FAM162A: variants seen among roughly 807,000 people sequenced by gnomAD.
FAM162A encodes family with sequence similarity 162 member A, also known as protein FAM162A.
A neutral mutation model predicts 21.8 loss-of-function variants in FAM162A; 23 were observed. That is an observed-to-expected ratio of 1.05 (90% CI 0.76 to 1.49). The LOEUF is 1.49. Among genes scored for constraint, FAM162A ranks in the 40% most tolerant of loss-of-function variants. FAM162A has a pLI of 0.00. For missense variants in FAM162A, 165 were observed against 186.4 expected (o/e 0.89, Z 0.67); for synonymous variants, 53 against 61.3 (o/e 0.86, Z 0.64).
rs200627653 is a variant in FAM162A, at chr3:122,404,364, G to A, written c.263+1G>A. The A allele has an allele frequency of 4.4e-4, 680 of 1,531,162 alleles. 3 individuals are homozygous for A. The highest frequency in any genetic ancestry group is 1.7e-4 in the Middle Eastern group (1 of 5,928). 94.8% of individuals were successfully genotyped at this position (1,531,162 alleles called of 1,614,324 possible). On this transcript the variant is annotated splice_donor_variant, in intron 3 of 4. Coordinates refer to ENST00000477892, the MANE Select transcript of FAM162A (RefSeq NM_014367.4). LOFTEE classifies it high-confidence loss of function. The stretch of plus-strand genomic sequence containing the variant: ...AAGATGAAATCCCAGAGACTGTCTC[G>A]TGAGTGCTGAATTTAGTATTACAAG...
Position 122,399,933 on chromosome 3 carries a change from G to A in FAM162A, c.35-2827G>A, listed in dbSNP as rs35322827. 8.2e-3 allele frequency among the ~76,000 whole-genome samples: 1,240 copies of A among 152,124 alleles called. 9 individuals are homozygous for A. Among genetic ancestry groups the A allele is most frequent in the African/African-American group, 0.016 (669 of 41,514 alleles). The stretch of plus-strand genomic sequence containing the variant: ...AGCCTGGCCAACATGGTAAAACCCC[G>A]TCTCTACTAAAAATACAGAAATTAG... On this transcript the variant is annotated intron_variant, in intron 1 of 4. Transcript: ENST00000477892.
chr3:122,393,843 G>T (rs1478327388), intron 1 of FAM162A, among the ~76,000 whole-genome samples: 1 of 152,308 alleles, frequency 6.6e-6, no homozygotes, highest in Non-Finnish European at 1.5e-5. Context: ...AACCTGAGAG[G>T]TCTCTAAGCT....
intron 1 of FAM162A, among the ~76,000 whole-genome samples, chr3:122,391,393 A>G (rs1161047029): frequency 3.3e-5 from 5 of 152,204 alleles, no homozygotes; most frequent in Non-Finnish European, 1.5e-5. Context: ...GGGTTTCACT[A>G]TGTAGTGATA....
chr3:122,384,982 G>A (rs1156319285), intron 1 of FAM162A, among the ~76,000 whole-genome samples: 2 of 151,586 alleles, frequency 1.3e-5, no homozygotes, highest in Non-Finnish European at 1.5e-5. Flanking sequence ...TTTTTTTTTG[G>A]GAGAACCAGC....
At chr3:122,386,288 C>T (rs1457351995) in intron 1 of FAM162A, among the ~76,000 whole-genome samples, 1 of 152,164 alleles carries the variant, frequency 6.6e-6, no homozygotes, top group Admixed American at 6.5e-5. Context: ...GTGGCTCACA[C>T]CTGCTATCCC....
At position 122,409,880 on chromosome 3, in the gene FAM162A, T is replaced by C. The variant is rs764937087; in HGVS notation, c.*49T>C. The C allele has an allele frequency of 8.0e-6, 12 of 1,501,546 alleles. No individual in the cohort carries two copies. In the South Asian group the frequency reaches 1.2e-4, roughly 16 times the overall value. The allele number at this position is 1,501,546 out of a possible 1,614,324, so 93.0% of individuals were successfully genotyped here. ...TTTTGAAAATCCAGGAATTATGTTATAACGTGCCTGTATTAAAAAGGATGT... is the reference window on the plus strand; with the variant it reads ...TTTTGAAAATCCAGGAATTATGTTACAACGTGCCTGTATTAAAAAGGATGT... On this transcript the variant is annotated 3_prime_UTR_variant, in exon 5 of 5. Coordinates refer to ENST00000477892, the MANE Select transcript of FAM162A (RefSeq NM_014367.4).
intron 1 of FAM162A, among the ~76,000 whole-genome samples, chr3:122,396,652 A>G (rs2075628991): frequency 6.6e-6 from 1 of 152,184 alleles, no homozygotes; most frequent in African/African-American, 2.4e-5. Context: ...ACAAATGAAA[A>G]TACATGTTCC....
In FAM162A at chr3:122,407,380, G is replaced by A. The variant is rs1219892413; in HGVS notation, c.363G>A (p.Glu121=). 4 of 1,613,102 alleles carry A rather than the reference G, an allele frequency of 2.5e-6. No individual in the cohort carries two copies. The highest frequency in any genetic ancestry group is 3.3e-5 in the Admixed American group (2 of 59,994). Residue 121 remains glutamate, a synonymous_variant, in exon 4 of 5, where the codon GAG becomes GAA. Coordinates refer to ENST00000477892, the MANE Select transcript of FAM162A (RefSeq NM_014367.4). Reference sequence around the variant, plus strand: ...TAGGATGCATCTTCATGGTTATTGAGGGCAAGAAGGTGAGAAGGGGTTTCT... The same window carrying A: ...TAGGATGCATCTTCATGGTTATTGAAGGCAAGAAGGTGAGAAGGGGTTTCT... ...TVVGCIFMVI[E]GKKAAQRHET...
At chr3:122,384,522 C>T (rs1055603263) in intron 1 of FAM162A, among the ~76,000 whole-genome samples, 3 of 152,070 alleles carry the variant, frequency 2.0e-5, no homozygotes. Context: ...CTCCATCCAC[C>T]CAGCTCCCAC....
intron 1 of FAM162A, among the ~76,000 whole-genome samples, chr3:122,396,944 G>A (rs1472440199): frequency 6.6e-6 from 1 of 152,216 alleles, no homozygotes; most frequent in Non-Finnish European, 1.5e-5. Context: ...GACTTTTAGG[G>A]TTGGGGGAAG....
At chr3:122,403,884 C>A (rs1184236141) in intron 2 of FAM162A, among the ~76,000 whole-genome samples, 1 of 152,202 alleles carries the variant, frequency 6.6e-6, no homozygotes, top group Non-Finnish European at 1.5e-5. Flanking sequence ...CTGTCTCCAT[C>A]CATTGTACAG....
At position 122,411,910 on chromosome 3, in the gene FAM162A, A is replaced by C. The variant is rs1012129998; in HGVS notation, c.*2079A>C. 6.6e-6 allele frequency: 1 copy of C among 152,186 alleles called. No homozygotes were observed. The highest frequency in any genetic ancestry group is 1.5e-5 in the Non-Finnish European group (1 of 68,036). The allele number at this position is 152,186 out of a possible 1,614,324, so 9.4% of individuals were successfully genotyped here. A position where few individuals can be genotyped will look rare whatever the true frequency, so the allele number is the denominator to read the frequency against. Reference sequence around the variant, plus strand: ...CTAAAGCTCACAACTGTTATTATGCATCAGGAATTAACAGTCATTTCTCAT... The same window carrying C: ...CTAAAGCTCACAACTGTTATTATGCCTCAGGAATTAACAGTCATTTCTCAT... On this transcript the variant is annotated 3_prime_UTR_variant, in exon 5 of 5. Transcript: ENST00000477892.
chr3:122,408,416 G>A (rs1325211516), intron 4 of FAM162A, among the ~76,000 whole-genome samples: 1 of 152,168 alleles, frequency 6.6e-6, no homozygotes, highest in African/African-American at 2.4e-5. Context: ...ACTACTTTAA[G>A]ATACTAAAAA....
rs942427088 is a variant in FAM162A at position 122,384,182 on chromosome 3, A to G, written c.-84A>G. ...CCCCGGCGCCGCCTGCGTCCTTCCCACTCCAACGCTGGGTGACATTGAGCT... is the reference window on the plus strand; with the variant it reads ...CCCCGGCGCCGCCTGCGTCCTTCCCGCTCCAACGCTGGGTGACATTGAGCT... On this transcript the variant is annotated 5_prime_UTR_variant, in exon 1 of 5. Coordinates refer to ENST00000477892, the MANE Select transcript of FAM162A (RefSeq NM_014367.4). 9.8e-6 allele frequency: 15 copies of G among 1,530,160 alleles called. No homozygotes were observed. Among genetic ancestry groups the G allele is most frequent in the African/African-American group, 9.7e-5 (7 of 72,422 alleles). The allele number at this position is 1,530,160 out of a possible 1,614,324, so 94.8% of individuals were successfully genotyped here. A position where few individuals can be genotyped will look rare whatever the true frequency, so the allele number is the denominator to read the frequency against.
intron 1 of FAM162A, among the ~76,000 whole-genome samples, chr3:122,389,891 T>G: frequency 6.6e-6 from 1 of 152,198 alleles, no homozygotes; most frequent in East Asian, 1.9e-4. Context: ...AAAGTTTGTT[T>G]TACTAAAAGC....
intron 1 of FAM162A, among the ~76,000 whole-genome samples, chr3:122,391,232 G>A (rs375202459): frequency 3.1e-4 from 47 of 151,862 alleles, no homozygotes; most frequent in East Asian, 1.4e-3. Flanking sequence ...TGGCATTATC[G>A]CCCAGGCTGA....
rs753520254 is a variant in FAM162A at position 122,409,754 on chromosome 3, G to A, written c.388G>A (p.Glu130Lys). 6.7e-5 allele frequency: 108 copies of A among 1,613,922 alleles called. No individual in the cohort carries two copies. The highest frequency in any genetic ancestry group is 2.0e-4 in the East Asian group (9 of 44,892). The change falls in exon 5 of 5, where the codon GAG (glutamate) becomes AAG (lysine). Residue 130 changes from glutamate (E) to lysine (K), a missense_variant. Physicochemically the swap from Glu to Lys is moderately conservative, Grantham distance 56. Coordinates refer to ENST00000477892, the MANE Select transcript of FAM162A (RefSeq NM_014367.4). ...TTTGCTTTAGGCTGCCCAAAGACAC[G>A]AGACTTTAACAAGCTTGAACTTAGA... ...IEGKKAAQRHETLTSLNLEKK... is the reference protein window; with the variant it reads ...IEGKKAAQRHKTLTSLNLEKK...
At chr3:122,400,987 TTTTG>T (rs1178481726) in intron 1 of FAM162A, among the ~76,000 whole-genome samples, 2 of 152,200 alleles carry the variant, frequency 1.3e-5, no homozygotes, top group Non-Finnish European at 2.9e-5. Context: ...CTTAAATATG[TTTTG>T]TTTTCCATAT....
chr3:122,385,085 T>A (rs2075568755), intron 1 of FAM162A, among the ~76,000 whole-genome samples: 1 of 152,166 alleles, frequency 6.6e-6, no homozygotes, highest in Non-Finnish European at 1.5e-5. Context: ...TGGCACACAC[T>A]ACATTATTAA....
Sources: gnomAD v4.1 joint callset for allele counts (sites outside exome capture counted in the v4.1 genomes callset) on GRCh38, gnomAD v4.1.1 for gene constraint, MANE v1.5 for transcripts, NCBI Gene and HGNC (gene_info 2026-07-23, HGNC 2026-07-21) for gene names.